The following ZRANB3 variants were observed in gnomAD, a reference collection of about 807,000 sequenced individuals.
ZRANB3 encodes DNA annealing helicase and endonuclease ZRANB3.
A neutral mutation model predicts 133.8 loss-of-function variants in ZRANB3; 125 were observed. The observed-to-expected ratio is 0.93, with a 90% CI of 0.81 to 1.08. ZRANB3 has a LOEUF of 1.08. Ranked by LOEUF, ZRANB3 falls within the 50% of genes least tolerant of loss-of-function variation. The probability of loss-of-function intolerance (pLI) is 0.00; values close to 1 mark genes in which losing one functional copy is unlikely to be tolerated. For synonymous variants in ZRANB3, 387 were observed against 432.7 expected (o/e 0.89, Z 1.31); for missense variants, 1,229 against 1,275.5 (o/e 0.96, Z 0.56).
chr2:135,343,010 C>CAAAAAAAAAAAAAAAAA (rs11435525), intron 6 of ZRANB3, among the ~76,000 whole-genome samples: 1 of 55,232 alleles, frequency 1.8e-5, no homozygotes. Flanking sequence ...ACTAAAAATC[C>CAAAAAAAAAAAAAAAAA]AAAAAAAAAA....
At chr2:135,393,660 C>G (rs1401476817) in intron 2 of ZRANB3, among the ~76,000 whole-genome samples, 1 of 151,930 alleles carries the variant, frequency 6.6e-6, no homozygotes, top group Non-Finnish European at 1.5e-5. Flanking sequence ...GGATTAAAGA[C>G]AAAAGACAAA....
At chr2:135,504,892 C>A (rs1486458065) in intron 1 of ZRANB3, among the ~76,000 whole-genome samples, 2 of 152,090 alleles carry the variant, frequency 1.3e-5, no homozygotes, top group Non-Finnish European at 2.9e-5. Context: ...TATGGATCCA[C>A]ATTTTCATAT....
chr2:135,442,987 G>A (rs1689849422), intron 2 of ZRANB3, among the ~76,000 whole-genome samples: 1 of 151,878 alleles, frequency 6.6e-6, no homozygotes, highest in Non-Finnish European at 1.5e-5. Context: ...ATGGTGGCGG[G>A]CGCCTGTAGT....
chr2:135,431,874 C>A (rs1036104410), intron 2 of ZRANB3, among the ~76,000 whole-genome samples: 1 of 152,066 alleles, frequency 6.6e-6, no homozygotes, highest in African/African-American at 2.4e-5. Context: ...AAAATATATA[C>A]CAAATTTAAA....
At chr2:135,207,332 T>C in intron 19 of ZRANB3, 102 bp downstream of exon 19, 1 of 1,386,088 alleles carries the variant, frequency 7.2e-7, no homozygotes, top group South Asian at 1.7e-5. Flanking sequence ...TCTTTCCTTT[T>C]ATATATCTGA....
intron 1 of ZRANB3, among the ~76,000 whole-genome samples, chr2:135,525,470 CAA>C (rs962028732): frequency 3.0e-4 from 45 of 152,238 alleles, no homozygotes; most frequent in African/African-American, 9.6e-4. Flanking sequence ...GGGAAGCATA[CAA>C]AGAGAGTGCA....
In ZRANB3 at chr2:135,287,518, G is replaced by C. The variant is rs143292176; in HGVS notation, c.967-11763C>G. On this transcript the variant is annotated intron_variant, in intron 8 of 20. Transcript: ENST00000264159. ...TTTGTTGATTGCTTTTGGCCATATG[G>C]TTATTTTCACAATATTGATTCTACC... Among the ~76,000 whole-genome samples, 20 of 152,222 alleles carry C rather than the reference G, an allele frequency of 1.3e-4. No homozygotes were observed. In the East Asian group the frequency reaches 3.9e-3, roughly 29 times the overall value.
intron 2 of ZRANB3, among the ~76,000 whole-genome samples, chr2:135,414,980 T>C (rs1181441676): frequency 6.6e-6 from 1 of 151,764 alleles, no homozygotes; most frequent in Non-Finnish European, 1.5e-5. Flanking sequence ...TTTATAGCAC[T>C]AAATGCCCAC....
intron 8 of ZRANB3, among the ~76,000 whole-genome samples, chr2:135,312,952 G>C (rs1480746872): frequency 6.6e-6 from 1 of 151,398 alleles, no homozygotes; most frequent in African/African-American, 2.4e-5. Flanking sequence ...CCCAGGAGGT[G>C]GAGGTTGCAG....
At chr2:135,345,309 T>A (rs531492172) in intron 6 of ZRANB3, 12 of 332,414 alleles carry the variant, frequency 3.6e-5, no homozygotes, top group African/African-American at 2.5e-4. Flanking sequence ...CTATTAAAAA[T>A]ACAAAAAAAT....
At position 135,269,161 on chromosome 2, in the gene ZRANB3, T is replaced by C. The variant is rs1680394611; in HGVS notation, c.1207-20A>G. ...TAATCCCTAAGTGAAATAAAGCAAA[T>C]AAATTGAGAATGTAACATACAGCCA... On this transcript the variant is annotated intron_variant, in intron 10 of 20. Coordinates refer to ENST00000264159, the MANE Select transcript of ZRANB3 (RefSeq NM_032143.4). 6.4e-7 allele frequency: 1 copy of C among 1,572,330 alleles called. No individual in the cohort carries two copies. Among genetic ancestry groups the C allele is most frequent in the Non-Finnish European group, 8.6e-7 (1 of 1,161,144 alleles).
intron 2 of ZRANB3, among the ~76,000 whole-genome samples, chr2:135,489,595 G>T (rs1401916652): frequency 6.6e-6 from 1 of 151,648 alleles, no homozygotes; most frequent in East Asian, 1.9e-4. Context: ...TGGTCAAAAA[G>T]ATGAAGAAAT....
intron 1 of ZRANB3, among the ~76,000 whole-genome samples, chr2:135,522,014 TAACAGCTCTGCAGCATGC>T (rs533817707): frequency 6.6e-6 from 1 of 152,284 alleles, no homozygotes; most frequent in South Asian, 2.1e-4. Flanking sequence ...TCCTAGAGCA[TAACAGCTCTGCAGCATGC>T]CACAGGTTGC....
intron 13 of ZRANB3, among the ~76,000 whole-genome samples, chr2:135,228,723 G>A (rs560891631): frequency 1.3e-4 from 20 of 152,258 alleles, no homozygotes; most frequent in African/African-American, 4.8e-4. Flanking sequence ...ATGTAGTAAA[G>A]AACAGGGAGG....
chr2:135,411,805 TTGAG>T (rs1167984588), intron 2 of ZRANB3, among the ~76,000 whole-genome samples: 1 of 152,100 alleles, frequency 6.6e-6, no homozygotes, highest in Non-Finnish European at 1.5e-5. Flanking sequence ...TGAAAAACTA[TTGAG>T]TATGTTCACT....
chr2:135,257,718 C>T (rs1008374274), intron 12 of ZRANB3, among the ~76,000 whole-genome samples: 4 of 152,138 alleles, frequency 2.6e-5, no homozygotes, highest in African/African-American at 4.8e-5. Flanking sequence ...CTGTATGTGG[C>T]TCACATCCCA....
At chr2:135,438,117 G>A (rs571597061) in intron 2 of ZRANB3, among the ~76,000 whole-genome samples, 64 of 152,246 alleles carry the variant, frequency 4.2e-4, no homozygotes, top group African/African-American at 1.5e-3. Context: ...GCATATCATA[G>A]GACTTCCCAG....
In ZRANB3 at chr2:135,499,447, G is replaced by T. The variant is rs112898935; in HGVS notation, c.161+4882C>A. Among the ~76,000 whole-genome samples the T allele has an allele frequency of 1.0e-3, 156 of 152,062 alleles. 1 individual carries two copies. Among genetic ancestry groups the T allele is most frequent in the African/African-American group, 3.6e-3 (151 of 41,480 alleles). On this transcript the variant is annotated intron_variant, in intron 2 of 20. Coordinates refer to ENST00000264159, the MANE Select transcript of ZRANB3 (RefSeq NM_032143.4). ...AAATTTACTTGCCATAAATATACCT[G>T]ATAAAAGACTCATATCCAGAGTATA... is the stretch of plus-strand genomic sequence containing the variant.
intron 3 of ZRANB3, among the ~76,000 whole-genome samples, chr2:135,383,662 C>T (rs1348876167): frequency 6.6e-6 from 1 of 152,156 alleles, no homozygotes; most frequent in Non-Finnish European, 1.5e-5. Flanking sequence ...GACCACAGTG[C>T]AATCAAACTA....
Sources: gnomAD v4.1 joint callset for allele counts (sites outside exome capture counted in the v4.1 genomes callset) on GRCh38, gnomAD v4.1.1 for gene constraint, MANE v1.5 for transcripts, NCBI Gene and HGNC (gene_info 2026-07-23, HGNC 2026-07-21) for gene names.